The following DYRK1A variants were observed in gnomAD, a reference collection of about 807,000 sequenced individuals.
DYRK1A encodes dual specificity tyrosine-phosphorylation-regulated kinase 1A.
In DYRK1A, 9 loss-of-function variants were observed where a neutral mutation model predicts 79.7. That is an observed-to-expected ratio of 0.11 (90% CI 0.07 to 0.20). The LOEUF is 0.20. DYRK1A is among the 10% of genes least tolerant of loss of function. DYRK1A has a pLI of 1.00. For synonymous variants in DYRK1A, 349 were observed against 329.7 expected (o/e 1.06, Z -0.63); for missense variants, 622 against 956.0 (o/e 0.65, Z 4.61).
intron 9 of DYRK1A, among the ~76,000 whole-genome samples, chr21:37,501,167 T>G (rs1373737312): frequency 9.0e-5 from 8 of 89,376 alleles, no homozygotes; most frequent in Non-Finnish European, 1.8e-4. Flanking sequence ...TTGTTGTTGG[T>G]TTTTTTTTTT....
intron 3 of DYRK1A, among the ~76,000 whole-genome samples, chr21:37,476,697 T>G (rs1214658686): frequency 6.6e-6 from 1 of 152,208 alleles, no homozygotes; most frequent in Non-Finnish European, 1.5e-5. Flanking sequence ...ATAAAAATAT[T>G]CTGTGAACTT....
At chr21:37,473,932 A>G (rs778874014) in intron 3 of DYRK1A, among the ~76,000 whole-genome samples, 7 of 152,234 alleles carry the variant, frequency 4.6e-5, no homozygotes, top group Non-Finnish European at 8.8e-5. Flanking sequence ...ATTGTGTACC[A>G]GAAGAAAACT....
intron 1 of DYRK1A, among the ~76,000 whole-genome samples, chr21:37,376,486 C>A (rs2049543444): frequency 6.6e-6 from 1 of 152,122 alleles, no homozygotes; most frequent in Middle Eastern, 3.4e-3. Flanking sequence ...CAGAGTGAGA[C>A]TTCGTCTCAA....
At chr21:37,428,541 CAT>C (rs959605216) in intron 2 of DYRK1A, among the ~76,000 whole-genome samples, 2 of 152,090 alleles carry the variant, frequency 1.3e-5, no homozygotes, top group African/African-American at 2.4e-5. Flanking sequence ...TTAAAAGGAA[CAT>C]GTGTTCTTAA....
chr21:37,444,072 C>A (rs1015595966), intron 2 of DYRK1A, among the ~76,000 whole-genome samples: 3 of 152,114 alleles, frequency 2.0e-5, no homozygotes, highest in African/African-American at 7.2e-5. Context: ...CTTGGTATGC[C>A]CCCGTTCCTT....
At chr21:37,445,224 AC>A (rs1395936747) in intron 2 of DYRK1A, among the ~76,000 whole-genome samples, 1 of 152,224 alleles carries the variant, frequency 6.6e-6, no homozygotes, top group African/African-American at 2.4e-5. Flanking sequence ...CTTGTCACTT[AC>A]AGAAGGCAAG....
chr21:37,466,059 AAC>A (rs1177315001), intron 2 of DYRK1A, among the ~76,000 whole-genome samples: 1 of 152,228 alleles, frequency 6.6e-6, no homozygotes, highest in Non-Finnish European at 1.5e-5. Flanking sequence ...CAAAAAATGA[AAC>A]AAGTATTTCA....
At chr21:37,499,968 C>T (rs2053390656) in intron 9 of DYRK1A, among the ~76,000 whole-genome samples, 2 of 152,166 alleles carry the variant, frequency 1.3e-5, no homozygotes, top group South Asian at 2.1e-4. Flanking sequence ...TGAGGGCCAA[C>T]TTTTCACATA....
chr21:37,449,443 G>A (rs1162909416), intron 2 of DYRK1A, among the ~76,000 whole-genome samples: 1 of 152,120 alleles, frequency 6.6e-6, no homozygotes, highest in Non-Finnish European at 1.5e-5. Context: ...CTAGGTTTTG[G>A]CATTTGTTGA....
Position 37,506,109 on chromosome 21 carries a change from G to A in DYRK1A, c.1530G>A (p.Ser510=), listed in dbSNP as rs576270503. 46 of 1,610,834 alleles carry A rather than the reference G, an allele frequency of 2.9e-5. 3 individuals are homozygous for A. The South Asian group carries it at 3.8e-4, about 13-fold the overall frequency. ...SSTSSSSGGS[S]GTSNSGRARS... ...GTTGTGATATTTCAGGTGGCTCATC[G>A]GGGACAAGCAACAGTGGGAGAGCCC... Residue 510 remains serine, a synonymous_variant, in exon 11 of 12, where the codon TCG becomes TCA. Transcript: ENST00000647188.
intron 1 of DYRK1A, among the ~76,000 whole-genome samples, chr21:37,396,205 A>G (rs2049956749): frequency 6.6e-6 from 1 of 151,704 alleles, no homozygotes; most frequent in South Asian, 2.1e-4. Flanking sequence ...GTATAAATGA[A>G]AACGCCTCTT....
At chr21:37,394,427 C>A (rs929678415) in intron 1 of DYRK1A, among the ~76,000 whole-genome samples, 5 of 151,906 alleles carry the variant, frequency 3.3e-5, no homozygotes, top group African/African-American at 1.2e-4. Context: ...ATCATAAATA[C>A]AGATTTGGGA....
chr21:37,392,737 C>T (rs11701678), intron 1 of DYRK1A, among the ~76,000 whole-genome samples: 11,841 of 152,266 alleles, frequency 0.078, 696 homozygotes, highest in Non-Finnish European at 0.12. Context: ...TGGTCATAGT[C>T]TGTGCTGCTG....
At chr21:37,424,910 T>C (rs57225230) in intron 2 of DYRK1A, among the ~76,000 whole-genome samples, 1,637 of 152,312 alleles carry the variant, frequency 0.011, 23 homozygotes, top group African/African-American at 0.037. Context: ...TTTATTTTTC[T>C]CAGCATTGAG....
At chr21:37,506,498 G>A (rs571802402) in intron 11 of DYRK1A, 6 of 945,918 alleles carry the variant, frequency 6.3e-6, no homozygotes, top group Admixed American at 3.0e-5. Flanking sequence ...GCAGCGTTTT[G>A]AGCCTCATGC....
chr21:37,463,232 G>A (rs3988824), intron 2 of DYRK1A, among the ~76,000 whole-genome samples: 1,579 of 147,602 alleles, frequency 0.011, 24 homozygotes, highest in African/African-American at 0.037. Context: ...GTGTGTGTGT[G>A]TATCCTGTAG....
intron 2 of DYRK1A, among the ~76,000 whole-genome samples, chr21:37,463,737 T>C (rs1209348303): frequency 6.6e-6 from 1 of 152,224 alleles, no homozygotes; most frequent in Non-Finnish European, 1.5e-5. Context: ...CTCTTAATCA[T>C]GTGCCTTTAT....
intron 2 of DYRK1A, among the ~76,000 whole-genome samples, chr21:37,426,701 G>A (rs1026079298): frequency 1.3e-5 from 2 of 150,836 alleles, no homozygotes; most frequent in African/African-American, 4.9e-5. Flanking sequence ...ACGAGGTCAG[G>A]AGATCGAGAC....
At chr21:37,386,853 G>A (rs1461577862) in intron 1 of DYRK1A, among the ~76,000 whole-genome samples, 1 of 152,186 alleles carries the variant, frequency 6.6e-6, no homozygotes, top group Non-Finnish European at 1.5e-5. Flanking sequence ...ATGCAACAGT[G>A]CCCATGGGAA....
Sources: allele counts gnomAD v4.1 joint callset (sites outside exome capture counted in the v4.1 genomes callset), GRCh38; gene constraint gnomAD v4.1.1; transcripts MANE v1.5; gene names NCBI Gene and HGNC (gene_info 2026-07-23, HGNC 2026-07-21).